Variants in EBF2 observed in about 807,000 individuals in gnomAD.
EBF2 encodes EBF transcription factor 2, also known as transcription factor COE2.
A neutral mutation model predicts 72.8 loss-of-function variants in EBF2; 21 were observed. That is an observed-to-expected ratio of 0.29 (90% CI 0.20 to 0.42). EBF2 has a LOEUF of 0.42. Among genes scored for constraint, EBF2 ranks in the 10% least tolerant of loss-of-function variants. The pLI is 1.00. For synonymous variants in EBF2, 299 were observed against 274.2 expected (o/e 1.09, Z -0.89); for missense variants, 637 against 731.2 (o/e 0.87, Z 1.49).
chr8:25,974,169 C>T (rs372038153), intron 6 of EBF2, among the ~76,000 whole-genome samples: 74 of 152,230 alleles, frequency 4.9e-4, no homozygotes, highest in African/African-American at 1.6e-3. Flanking sequence ...TCTGATTTTA[C>T]GGATGAGCTC....
intron 1 of EBF2, among the ~76,000 whole-genome samples, chr8:26,043,143 G>T (rs1805635146): frequency 2.0e-5 from 3 of 152,244 alleles, no homozygotes; most frequent in Non-Finnish European, 4.4e-5. Context: ...CCTCGAGCGT[G>T]CTGAGTGTGT....
intron 7 of EBF2, among the ~76,000 whole-genome samples, chr8:25,893,687 A>G (rs181072942): frequency 2.0e-5 from 3 of 151,754 alleles, no homozygotes; most frequent in African/African-American, 7.3e-5. Context: ...GCTTTAATTC[A>G]CTCCACAAGC....
rs1302645637 is a variant in EBF2 at position 25,858,448 on chromosome 8, G to T, written c.1399C>A (p.Pro467Thr). 1 of 1,614,086 alleles carries T rather than the reference G, an allele frequency of 6.2e-7. No homozygotes were observed. The highest frequency in any genetic ancestry group is 2.2e-5 in the East Asian group (1 of 44,872). ...GAGGTACTGTAATTAGACTGTTGAG[G>T]CGTGGAGCTGGAAGAGTATCCCCGC... ...SPRGYSSSST[P>T]QQSNYSTSSN... Residue 467 changes from proline to threonine, a missense_variant, in exon 14 of 16, where the codon CCT becomes ACT. Transcript: ENST00000520164.
intron 6 of EBF2, among the ~76,000 whole-genome samples, chr8:25,958,021 C>T (rs560123304): frequency 6.6e-6 from 1 of 152,312 alleles, no homozygotes; most frequent in African/African-American, 2.4e-5. Context: ...GGAGAGGGCT[C>T]ATGTGTGCAA....
intron 6 of EBF2, among the ~76,000 whole-genome samples, chr8:25,999,755 T>G (rs1804693679): frequency 6.6e-6 from 1 of 152,038 alleles, no homozygotes. Context: ...GTGTTCAGTC[T>G]GTCCACTCAG....
chr8:25,994,245 A>T (rs1804588005), intron 6 of EBF2, among the ~76,000 whole-genome samples: 1 of 152,188 alleles, frequency 6.6e-6, no homozygotes, highest in Admixed American at 6.6e-5. Context: ...TGATACAATT[A>T]TATTAGTCTG....
intron 6 of EBF2, among the ~76,000 whole-genome samples, chr8:25,948,066 G>A (rs1803801403): frequency 6.6e-6 from 1 of 152,112 alleles, no homozygotes; most frequent in South Asian, 2.1e-4. Flanking sequence ...GGCTTAGGTG[G>A]CCAAGCATTC....
intron 10 of EBF2, among the ~76,000 whole-genome samples, chr8:25,876,120 G>A (rs541266117): frequency 4.6e-5 from 7 of 152,190 alleles, no homozygotes; most frequent in Non-Finnish European, 1.0e-4. Flanking sequence ...CAGGGACATG[G>A]ATGAAGCTGG....
At chr8:25,946,943 A>T (rs1302317156) in intron 6 of EBF2, among the ~76,000 whole-genome samples, 1 of 152,246 alleles carries the variant, frequency 6.6e-6, no homozygotes, top group Non-Finnish European at 1.5e-5. Flanking sequence ...TGACTAGCAC[A>T]GCTAAATTCT....
intron 6 of EBF2, among the ~76,000 whole-genome samples, chr8:25,924,044 G>A (rs989489076): frequency 9.2e-5 from 14 of 152,236 alleles, no homozygotes; most frequent in African/African-American, 3.1e-4. Context: ...TAATGTAGGA[G>A]GCAGTGTGAC....
At chr8:25,950,955 T>C (rs889921485) in intron 6 of EBF2, among the ~76,000 whole-genome samples, 3 of 152,214 alleles carry the variant, frequency 2.0e-5, no homozygotes, top group African/African-American at 7.2e-5. Flanking sequence ...TCCTTTTTCA[T>C]GAGCTGATAC....
chr8:25,908,435 A>T (rs1294546985), intron 7 of EBF2, 39 bp downstream of exon 7: 1 of 1,442,880 alleles, frequency 6.9e-7, no homozygotes, highest in Non-Finnish European at 9.6e-7. Context: ...AGAAAACAGG[A>T]TGACTTATTT....
intron 13 of EBF2, among the ~76,000 whole-genome samples, chr8:25,860,479 A>G (rs1325754644): frequency 6.7e-6 from 1 of 150,186 alleles, no homozygotes; most frequent in African/African-American, 2.5e-5. Context: ...AATTGATAAT[A>G]CCCAATCCTT....
chr8:25,920,023 G>A (rs1324939677), intron 6 of EBF2, among the ~76,000 whole-genome samples: 1 of 151,506 alleles, frequency 6.6e-6, no homozygotes, highest in Non-Finnish European at 1.5e-5. Flanking sequence ...AATGGTTCAG[G>A]AATTTTTTTT....
intron 6 of EBF2, among the ~76,000 whole-genome samples, chr8:26,009,897 A>C (rs981801799): frequency 2.0e-4 from 30 of 152,354 alleles, no homozygotes; most frequent in African/African-American, 6.7e-4. Flanking sequence ...AAGAACAAGG[A>C]GAGAAGCCAG....
chr8:25,872,020 T>C (rs1160975030), intron 10 of EBF2, among the ~76,000 whole-genome samples: 1 of 151,890 alleles, frequency 6.6e-6, no homozygotes, highest in Non-Finnish European at 1.5e-5. Context: ...TAGTGCGATA[T>C]AAAATTCTAT....
At chr8:26,034,315 G>A (rs1406347818) in intron 5 of EBF2, among the ~76,000 whole-genome samples, 1 of 152,196 alleles carries the variant, frequency 6.6e-6, no homozygotes, top group Non-Finnish European at 1.5e-5. Context: ...GTCTGAAACA[G>A]AAATGGTATC....
intron 7 of EBF2, among the ~76,000 whole-genome samples, chr8:25,906,900 A>C (rs1803042436): frequency 6.6e-6 from 1 of 152,186 alleles, no homozygotes; most frequent in African/African-American, 2.4e-5. Flanking sequence ...TGTTCCTGTC[A>C]CAGCAAGATT....
chr8:25,851,320 A>T (rs1418604518), intron 14 of EBF2, among the ~76,000 whole-genome samples: 1 of 149,786 alleles, frequency 6.7e-6, no homozygotes, highest in Non-Finnish European at 1.5e-5. Flanking sequence ...ACATTCAGAA[A>T]ACCGTCTTCC....
Sources: allele counts gnomAD v4.1 joint callset (sites outside exome capture counted in the v4.1 genomes callset), GRCh38; gene constraint gnomAD v4.1.1; transcripts MANE v1.5; gene names NCBI Gene and HGNC (gene_info 2026-07-23, HGNC 2026-07-21).